The following CLASP2 variants were observed in gnomAD, a reference collection of about 807,000 sequenced individuals.
CLASP2 encodes the protein CLIP-associating protein 2.
Under a neutral mutation model 194.4 loss-of-function variants are expected in CLASP2, and 47 were observed. The observed-to-expected ratio is 0.24, with a 90% CI of 0.19 to 0.31. The LOEUF is 0.31. Among genes scored for constraint, CLASP2 ranks in the 10% least tolerant of loss-of-function variants. CLASP2 has a pLI of 1.00. For synonymous variants in CLASP2, 619 were observed against 633.5 expected, an observed-to-expected ratio of 0.98 and a Z score of 0.34; for missense variants, 1,445 against 1,823.6, an observed-to-expected ratio of 0.79 and a Z score of 3.78.
At chr3:33,674,059 C>A (rs965624459) in intron 6 of CLASP2, among the ~76,000 whole-genome samples, 1 of 151,984 alleles carries the variant, frequency 6.6e-6, no homozygotes. Flanking sequence ...ACAAGGATAC[C>A]CAGGAATTGA....
intron 27 of CLASP2, chr3:33,564,114 C>CT (rs2062243892): frequency 8.5e-6 from 3 of 350,922 alleles, no homozygotes; most frequent in South Asian, 2.2e-5. Context: ...TTTCCCATCT[C>CT]TAACACATAC....
At chr3:33,577,106 A>G in intron 23 of CLASP2, 1 of 951,170 alleles carries the variant, frequency 1.1e-6, no homozygotes, top group Non-Finnish European at 1.5e-6. Flanking sequence ...ATAATAAAAA[A>G]TCAATTTTAA....
intron 21 of CLASP2, chr3:33,588,873 C>T (rs1006558863): frequency 6.7e-6 from 4 of 598,566 alleles, no homozygotes; most frequent in African/African-American, 1.9e-5. Flanking sequence ...GCAAAAAAAG[C>T]AAACTTTAAA....
At chr3:33,644,546 C>A in intron 8 of CLASP2, 1 of 587,800 alleles carries the variant, frequency 1.7e-6, no homozygotes, top group South Asian at 1.9e-5. Context: ...CAAGAAGAGA[C>A]TAATTCACAT....
intron 7 of CLASP2, among the ~76,000 whole-genome samples, chr3:33,652,450 A>G (rs150961663): frequency 1.3e-5 from 2 of 152,290 alleles, no homozygotes; most frequent in East Asian, 3.9e-4. Context: ...GTGCTTTTAC[A>G]ACGGGAAGCT....
chr3:33,559,446 CA>C (rs1205036197), intron 28 of CLASP2, 61 bp from the exon 29 acceptor site: 1 of 904,312 alleles, frequency 1.1e-6, no homozygotes, highest in Non-Finnish European at 1.8e-6. Flanking sequence ...CATGTAACAG[CA>C]AAAGACTATG....
chr3:33,587,692 T>C (rs1042455633), intron 21 of CLASP2, among the ~76,000 whole-genome samples: 1 of 152,204 alleles, frequency 6.6e-6, no homozygotes, highest in Non-Finnish European at 1.5e-5. Context: ...AAAGAATCTT[T>C]AAATCCAATT....
intron 7 of CLASP2, chr3:33,658,987 C>G: frequency 6.5e-7 from 1 of 1,535,912 alleles, no homozygotes; most frequent in Non-Finnish European, 8.7e-7. Flanking sequence ...CTCCCATAGC[C>G]ATTAGATGGT....
At chr3:33,693,359 C>A (rs990747449) in intron 2 of CLASP2, among the ~76,000 whole-genome samples, 2 of 152,094 alleles carry the variant, frequency 1.3e-5, no homozygotes, top group Non-Finnish European at 2.9e-5. Context: ...TAAACATTAT[C>A]TCTCAAATCA....
At chr3:33,503,825 T>C (rs2047422162) in intron 37 of CLASP2, 1 of 152,224 alleles carries the variant, frequency 6.6e-6, no homozygotes, top group Non-Finnish European at 1.5e-5. Flanking sequence ...TTCCAATTTT[T>C]GTACATCCTC....
intron 6 of CLASP2, among the ~76,000 whole-genome samples, chr3:33,669,427 T>C (rs1200648791): frequency 2.0e-5 from 3 of 151,902 alleles, no homozygotes; most frequent in Non-Finnish European, 4.4e-5. Flanking sequence ...TACATTAAAA[T>C]TAAGAACTTA....
chr3:33,680,274 G>T (rs2089582472), intron 6 of CLASP2, among the ~76,000 whole-genome samples: 3 of 152,152 alleles, frequency 2.0e-5, no homozygotes, highest in Admixed American at 2.0e-4. Flanking sequence ...TACAATAGCG[G>T]ACACATGTCA....
intron 19 of CLASP2, among the ~76,000 whole-genome samples, chr3:33,595,237 T>C (rs1011755561): frequency 1.3e-5 from 2 of 152,080 alleles, no homozygotes; most frequent in African/African-American, 4.8e-5. Context: ...ATTGCATTCT[T>C]AAAATTTGAA....
intron 6 of CLASP2, among the ~76,000 whole-genome samples, chr3:33,669,650 A>C (rs1408856311): frequency 6.6e-6 from 1 of 152,144 alleles, no homozygotes; most frequent in Non-Finnish European, 1.5e-5. Context: ...CAAATGGCTG[A>C]TAAACAGATT....
intron 1 of CLASP2, among the ~76,000 whole-genome samples, chr3:33,711,335 T>C (rs1266376393): frequency 6.6e-6 from 1 of 151,226 alleles, no homozygotes; most frequent in Non-Finnish European, 1.5e-5. Context: ...AAATTCTGCC[T>C]ACCAGGTTCA....
intron 31 of CLASP2, among the ~76,000 whole-genome samples, chr3:33,543,927 A>G (rs541282420): frequency 6.6e-6 from 1 of 152,120 alleles, no homozygotes; most frequent in African/African-American, 2.4e-5. Context: ...CATACTATTA[A>G]TATGTCTATT....
intron 24 of CLASP2, chr3:33,574,551 CT>C: frequency 1.8e-6 from 2 of 1,090,336 alleles, no homozygotes; most frequent in East Asian, 2.6e-5. Context: ...GAACATTTTG[CT>C]AATCAGCACA....
chr3:33,559,423 G>GT, intron 28 of CLASP2, 38 bp from the exon 29 acceptor site: 1 of 1,251,434 alleles, frequency 8.0e-7, no homozygotes, highest in South Asian at 1.3e-5. Flanking sequence ...CAAAAATTTA[G>GT]TTAGCAAGTA....
chr3:33,650,968 G>A (rs1385798736), intron 7 of CLASP2, among the ~76,000 whole-genome samples: 2 of 152,098 alleles, frequency 1.3e-5, no homozygotes, highest in Non-Finnish European at 2.9e-5. Flanking sequence ...CTTTTGTTTT[G>A]TCTTTTAAAC....
Sources: gnomAD v4.1 joint callset for allele counts (sites outside exome capture counted in the v4.1 genomes callset) on GRCh38, gnomAD v4.1.1 for gene constraint, MANE v1.5 for transcripts, NCBI Gene and HGNC (gene_info 2026-07-23, HGNC 2026-07-21) for gene names.